The following RPGRIP1 variants were observed in gnomAD, a reference collection of about 807,000 sequenced individuals.
RPGRIP1 encodes the protein RPGR interacting protein 1, also known as X-linked retinitis pigmentosa GTPase regulator-interacting protein 1.
In RPGRIP1, 128 loss-of-function variants were observed where a neutral mutation model predicts 157.9. The ratio of observed to expected loss-of-function variants is 0.81; its 90% CI spans 0.70 to 0.94. The LOEUF is 0.94. Ranked by LOEUF, RPGRIP1 falls within the 40% of genes least tolerant of loss-of-function variation. The pLI is 0.00. For synonymous variants in RPGRIP1, 554 were observed against 571.6 expected, an observed-to-expected ratio of 0.97 and a Z score of 0.44; for missense variants, 1,486 against 1,545.8, an observed-to-expected ratio of 0.96 and a Z score of 0.65.
chr14:21,329,505 T>C (rs1444045656), intron 19 of RPGRIP1, among the ~76,000 whole-genome samples: 3 of 139,190 alleles, frequency 2.2e-5, no homozygotes, highest in African/African-American at 7.9e-5. Flanking sequence ...AAGTACTCAC[T>C]TTTTTTTTTT....
chr14:21,326,233 G>T (rs1883091740), intron 17 of RPGRIP1, 60 bp downstream of exon 17: 4 of 1,132,136 alleles, frequency 3.5e-6, no homozygotes, highest in Admixed American at 5.1e-5. Context: ...TCCCTGTCCT[G>T]ATTCTACTTT....
chr14:21,304,976 G>A (rs570767274), intron 6 of RPGRIP1, among the ~76,000 whole-genome samples: 3 of 152,092 alleles, frequency 2.0e-5, no homozygotes, highest in Non-Finnish European at 4.4e-5. Context: ...TAATTTTTTT[G>A]TATTTTTAGT....
intron 6 of RPGRIP1, among the ~76,000 whole-genome samples, 186 bp downstream of exon 6, chr14:21,303,729 G>A (rs1434793988): frequency 2.6e-5 from 4 of 152,210 alleles, no homozygotes; most frequent in Non-Finnish European, 5.9e-5. Flanking sequence ...GATCACGCCT[G>A]TAATCCCAGC....
At chr14:21,320,518 C>T (rs1182637236) in intron 12 of RPGRIP1, among the ~76,000 whole-genome samples, 1 of 151,662 alleles carries the variant, frequency 6.6e-6, no homozygotes, top group Admixed American at 6.6e-5. Flanking sequence ...GTCTCGATCT[C>T]CTGACCTCGT....
chr14:21,314,182 A>C (rs914957568), intron 10 of RPGRIP1, among the ~76,000 whole-genome samples: 1 of 151,944 alleles, frequency 6.6e-6, no homozygotes, highest in African/African-American at 2.4e-5. Context: ...TCCCAGGCTC[A>C]AGTGATTTTT....
intron 18 of RPGRIP1, among the ~76,000 whole-genome samples, 163 bp downstream of exon 18, chr14:21,327,970 A>G (rs951336922): frequency 6.6e-6 from 1 of 152,186 alleles, no homozygotes; most frequent in Non-Finnish European, 1.5e-5. Context: ...GGAGTTCAAG[A>G]CCAGCCTGAC....
At chr14:21,316,129 C>T (rs1881793119) in intron 10 of RPGRIP1, among the ~76,000 whole-genome samples, 1 of 151,908 alleles carries the variant, frequency 6.6e-6, no homozygotes, top group Non-Finnish European at 1.5e-5. Flanking sequence ...AGGTGCCGGC[C>T]ACCACACCTG....
At chr14:21,316,411 C>T (rs1254885233) in intron 10 of RPGRIP1, among the ~76,000 whole-genome samples, 1 of 151,998 alleles carries the variant, frequency 6.6e-6, no homozygotes, top group Non-Finnish European at 1.5e-5. Flanking sequence ...CCAGCCTGGC[C>T]GGTAAGTTAT....
chr14:21,287,544 A>G (rs1005251077), intron 1 of RPGRIP1, among the ~76,000 whole-genome samples: 9 of 152,196 alleles, frequency 5.9e-5, no homozygotes, highest in African/African-American at 2.2e-4. Context: ...TGGTCCAATC[A>G]GCAATGGCTT....
Position 21,324,462 on chromosome 14 carries a change from CCTT to C in RPGRIP1, c.1763-153_1763-151del, listed in dbSNP as rs1882831605. 3.1e-5 allele frequency: 21 copies of C among 685,980 alleles called. 1 individual carries two copies. The highest frequency in any genetic ancestry group is 2.5e-4 in the South Asian group (15 of 60,402). The allele number at this position is 685,980 out of a possible 1,614,324, so 42.5% of individuals were successfully genotyped here. A position where few individuals can be genotyped will look rare whatever the true frequency, so the allele number is the denominator to read the frequency against. ...ATCGGAATTCAATGCTCCTGGTTGT[CCTT>C]CTGTTGCTTTTCCTTTTGAATCACG... On this transcript the variant is annotated intron_variant, in intron 14 of 24. Coordinates refer to ENST00000400017, the MANE Select transcript of RPGRIP1 (RefSeq NM_020366.4).
At chr14:21,297,296 T>C (rs150191864) in intron 3 of RPGRIP1, among the ~76,000 whole-genome samples, 34 of 152,282 alleles carry the variant, frequency 2.2e-4, no homozygotes, top group African/African-American at 7.5e-4. Flanking sequence ...GGTTTCACCA[T>C]GTTGGCCACG....
intron 2 of RPGRIP1, among the ~76,000 whole-genome samples, chr14:21,289,144 G>T (rs901991155): frequency 2.6e-5 from 4 of 151,968 alleles, no homozygotes; most frequent in Non-Finnish European, 5.9e-5. Flanking sequence ...TGGCTAACAT[G>T]GTGAAACCCC....
chr14:21,297,880 T>TCTTTCTTTC (rs1555365051), intron 3 of RPGRIP1, among the ~76,000 whole-genome samples: 10 of 149,714 alleles, frequency 6.7e-5, no homozygotes, highest in Admixed American at 2.0e-4. Context: ...TTTCTTTCTT[T>TCTTTCTTTC]TTTTTGAGAT....
chr14:21,319,736 T>TA (rs1399941015), intron 11 of RPGRIP1, among the ~76,000 whole-genome samples: 1 of 152,200 alleles, frequency 6.6e-6, no homozygotes, highest in Non-Finnish European at 1.5e-5. Flanking sequence ...TGGATTACCC[T>TA]AGTCAAGTGA....
rs1399716985 is a variant in RPGRIP1 at position 21,293,977 on chromosome 14, T to A, written c.86-700T>A. 7.4e-5 allele frequency among the ~76,000 whole-genome samples: 10 copies of A among 134,950 alleles called. No individual in the cohort carries two copies. The East Asian group carries it at 1.6e-3, about 22-fold the overall frequency. 88.5% of individuals were successfully genotyped at this position (134,950 alleles called of 152,430 possible). A position where few individuals can be genotyped will look rare whatever the true frequency, so the allele number is the denominator to read the frequency against. ...CTGAGGCAGGAGAATCACTTGAACC[T>A]GGGAGGTGGAGGTTGCAGTGAGCCA... On this transcript the variant is annotated intron_variant, in intron 2 of 24. Coordinates refer to ENST00000400017, the MANE Select transcript of RPGRIP1 (RefSeq NM_020366.4).
intron 19 of RPGRIP1, among the ~76,000 whole-genome samples, chr14:21,329,147 CAAA>C (rs527281874): frequency 5.4e-5 from 4 of 74,086 alleles, no homozygotes; most frequent in African/African-American, 9.2e-5. Context: ...TCCATCTCAC[CAAA>C]AAAAAAAAAA....
At position 21,324,658 on chromosome 14, in the gene RPGRIP1, G is replaced by A. The variant is rs754444123; in HGVS notation, c.1803G>A (p.Ser601=). Residue 601 remains serine, a synonymous_variant, in exon 15 of 25, where the codon TCG becomes TCA. Transcript: ENST00000400017. ...KDVAYGTRPL[S]LCLETLPAHG... The stretch of plus-strand genomic sequence containing the variant: ...TTGCTTATGGCACCCGACCGTTGTC[G>A]TTATGTTTGGAAACACTGCCAGCCC... The A allele has an allele frequency of 7.4e-6, 12 of 1,613,908 alleles. No individual in the cohort carries two copies. Among genetic ancestry groups the A allele is most frequent in the Admixed American group, 5.0e-5 (3 of 60,002 alleles).
chr14:21,332,721 A>G (rs1392364846), intron 20 of RPGRIP1, among the ~76,000 whole-genome samples: 3 of 152,212 alleles, frequency 2.0e-5, no homozygotes, highest in Non-Finnish European at 2.9e-5. Context: ...ATGGTCATCT[A>G]TTTATAGTCA....
chr14:21,343,254 G>A lies in RPGRIP1; in HGVS notation c.3532+26G>A, dbSNP rs756980293. The A allele has an allele frequency of 3.8e-6, 6 of 1,575,868 alleles. No individual in the cohort carries two copies. In the Admixed American group the frequency reaches 5.4e-5, roughly 14 times the overall value. ...GTGAGGCATCCTGTGTGGTTACTGGGGTGAGGAAGTCTGATGAACATTGAG... is the reference window on the plus strand; with the variant it reads ...GTGAGGCATCCTGTGTGGTTACTGGAGTGAGGAAGTCTGATGAACATTGAG... On this transcript the variant is annotated intron_variant, in intron 22 of 24. Transcript: ENST00000400017.
Sources: gnomAD v4.1 joint callset for allele counts (sites outside exome capture counted in the v4.1 genomes callset) on GRCh38, gnomAD v4.1.1 for gene constraint, MANE v1.5 for transcripts, NCBI Gene and HGNC (gene_info 2026-07-23, HGNC 2026-07-21) for gene names.